JAKMIP1: variants seen among roughly 807,000 people sequenced by gnomAD.
JAKMIP1 encodes janus kinase and microtubule-interacting protein 1.
In JAKMIP1, 33 loss-of-function variants were observed where a neutral mutation model predicts 113.0. The observed-to-expected ratio is 0.29, with a 90% CI of 0.22 to 0.39. The LOEUF is 0.39. Among genes scored for constraint, JAKMIP1 ranks in the 10% least tolerant of loss-of-function variants. The pLI, the probability that JAKMIP1 is intolerant of heterozygous loss-of-function variation, is 1.00. For synonymous variants in JAKMIP1, 480 were observed against 459.9 expected, an observed-to-expected ratio of 1.04 and a Z score of -0.56; for missense variants, 813 against 1,080.5, an observed-to-expected ratio of 0.75 and a Z score of 3.47.
chr4:6,174,380 G>A (rs1725091760), intron 1 of JAKMIP1, among the ~76,000 whole-genome samples: 1 of 152,204 alleles, frequency 6.6e-6, no homozygotes, highest in South Asian at 2.1e-4. Context: ...ATATGATAAG[G>A]GAGGGCTGCT....
intron 1 of JAKMIP1, among the ~76,000 whole-genome samples, chr4:6,128,610 G>A (rs1051326448): frequency 2.6e-5 from 4 of 152,292 alleles, no homozygotes; most frequent in South Asian, 2.1e-4. Flanking sequence ...GCCCCAGCCC[G>A]GATGAGCAAA....
rs7435579 is a variant in JAKMIP1 at position 6,139,081 on chromosome 4, C to T, written c.-147-26084G>A. 2.7e-5 allele frequency among the ~76,000 whole-genome samples: 1 copy of T among 37,530 alleles called. No homozygotes were observed. Among genetic ancestry groups the T allele is most frequent in the South Asian group, 9.8e-4 (1 of 1,018 alleles). 24.6% of individuals were successfully genotyped at this position (37,530 alleles called of 152,430 possible). A position where few individuals can be genotyped will look rare whatever the true frequency, so the allele number is the denominator to read the frequency against. ...ACACACACACACACACACACACACA[C>T]ACATATACACACACACACACACACC... is the stretch of plus-strand genomic sequence containing the variant. On this transcript the variant is annotated intron_variant, in intron 1 of 20. Coordinates refer to ENST00000409021, the MANE Select transcript of JAKMIP1 (RefSeq NM_001099433.2). This position sits in a 1 kb window ranked among gnomAD's most constrained non-coding sequence, Gnocchi z 5.2.
At chr4:6,147,556 T>C (rs1721008049) in intron 1 of JAKMIP1, among the ~76,000 whole-genome samples, 1 of 152,188 alleles carries the variant, frequency 6.6e-6, no homozygotes, top group Non-Finnish European at 1.5e-5. Context: ...CTCCTATGAC[T>C]AGATGGCTCC....
In JAKMIP1 at chr4:6,140,617, G is replaced by C. The variant is rs1314120396; in HGVS notation, c.-147-27620C>G. Among the ~76,000 whole-genome samples the C allele has an allele frequency of 2.0e-5, 3 of 152,256 alleles. No homozygotes were observed. The East Asian group carries it at 5.8e-4, about 29-fold the overall frequency. On this transcript the variant is annotated intron_variant, in intron 1 of 20. Coordinates refer to ENST00000409021, the MANE Select transcript of JAKMIP1 (RefSeq NM_001099433.2). The surrounding 1 kb of genome is among the most constrained non-coding windows in gnomAD (Gnocchi z 9.4). ...CTCTGTCCCCACTGCTCCTGGAGGG[G>C]TGGAGAAATACATGATTTTGTTTAT...
intron 1 of JAKMIP1, among the ~76,000 whole-genome samples, chr4:6,120,177 A>G (rs1045811944): frequency 6.4e-4 from 43 of 66,908 alleles, no homozygotes; most frequent in Non-Finnish European, 1.1e-3. Context: ...GAATCTAGCC[A>G]CACTTTTTTT....
rs537448836 is a variant in JAKMIP1 at position 6,042,908 on chromosome 4, C to T, written c.2029-681G>A. Among the ~76,000 whole-genome samples, 3 of 152,128 alleles carry T rather than the reference C, an allele frequency of 2.0e-5. No homozygotes were observed. Among genetic ancestry groups the T allele is most frequent in the Non-Finnish European group, 4.4e-5 (3 of 67,976 alleles). On this transcript the variant is annotated intron_variant, in intron 16 of 20. Transcript: ENST00000409021. This position sits in a 1 kb window ranked among gnomAD's most constrained non-coding sequence, Gnocchi z 5.2. ...GAGAGTACGGGGTGAACAGGCGGGG[C>T]GTGCACCTGAGCGGCAGGTAAGGGA...
rs571640822 is a variant in JAKMIP1 at position 6,108,089 on chromosome 4, G to A, written c.130-2122C>T. Among the ~76,000 whole-genome samples the A allele has an allele frequency of 3.3e-5, 5 of 152,306 alleles. No individual in the cohort carries two copies. The South Asian group carries it at 1.0e-3, about 32-fold the overall frequency. ...GCTTCCTGGGAGGGGCAGAGGTGCT[G>A]CTGAGGCTGGTGATCCAGGTGTGTA... On this transcript the variant is annotated intron_variant, in intron 2 of 20. Transcript: ENST00000409021. The surrounding 1 kb of genome is among the most constrained non-coding windows in gnomAD (Gnocchi z 5.6).
At chr4:6,170,696 T>G (rs1373259556) in intron 1 of JAKMIP1, among the ~76,000 whole-genome samples, 2 of 146,718 alleles carry the variant, frequency 1.4e-5, no homozygotes, top group Non-Finnish European at 3.0e-5. Flanking sequence ...GTCACCCTCC[T>G]TAACACCATC....
chr4:6,116,368 A>G lies in JAKMIP1; in HGVS notation c.-147-3371T>C, dbSNP rs549476521. ...TTCGTTCTGAGCCCACTGCCCACCA[A>G]GCAGGAGATGGCACAGCCCACTGTC... On this transcript the variant is annotated intron_variant, in intron 1 of 20. Transcript: ENST00000409021. This position sits in a 1 kb window ranked among gnomAD's most constrained non-coding sequence, Gnocchi z 5.1. Among the ~76,000 whole-genome samples, 67 of 152,086 alleles carry G rather than the reference A, an allele frequency of 4.4e-4. 2 individuals carry two copies. The South Asian group carries it at 0.014, about 32-fold the overall frequency.
At chr4:6,107,625 C>T (rs952263892) in intron 2 of JAKMIP1, among the ~76,000 whole-genome samples, 7 of 152,154 alleles carry the variant, frequency 4.6e-5, no homozygotes, top group Admixed American at 6.5e-5. Context: ...CACTGGGACT[C>T]GAAGCTGCAA....
intron 3 of JAKMIP1, among the ~76,000 whole-genome samples, chr4:6,090,800 T>C (rs556430010): frequency 6.9e-5 from 10 of 143,988 alleles, no homozygotes; most frequent in Non-Finnish European, 1.5e-4. Context: ...AGAGTGTCAC[T>C]CCCCATGTTG....
chr4:6,053,230 T>C (rs904591336), intron 13 of JAKMIP1, among the ~76,000 whole-genome samples: 4 of 152,152 alleles, frequency 2.6e-5, no homozygotes, highest in Admixed American at 2.0e-4. Context: ...CGAGGTAAGA[T>C]TTCAGCTGGA....
At chr4:6,124,015 T>C (rs780750514) in intron 1 of JAKMIP1, among the ~76,000 whole-genome samples, 1 of 152,242 alleles carries the variant, frequency 6.6e-6, no homozygotes, top group Non-Finnish European at 1.5e-5. Flanking sequence ...TAGGTTTTCC[T>C]AACACGTACT....
chr4:6,198,870 C>T (rs961118676), intron 1 of JAKMIP1, among the ~76,000 whole-genome samples: 34 of 152,248 alleles, frequency 2.2e-4, no homozygotes, highest in African/African-American at 7.0e-4. Context: ...ATGGCCTCGC[C>T]CTCCACACCA....
At chr4:6,128,372 G>T (rs1195534521) in intron 1 of JAKMIP1, among the ~76,000 whole-genome samples, 12 of 152,086 alleles carry the variant, frequency 7.9e-5, no homozygotes, top group Admixed American at 7.9e-4. Flanking sequence ...TCTCCAAATG[G>T]GTGGACAGAA....
intron 1 of JAKMIP1, among the ~76,000 whole-genome samples, chr4:6,160,478 A>G (rs1053371577): frequency 6.6e-6 from 1 of 152,216 alleles, no homozygotes; most frequent in African/African-American, 2.4e-5. Context: ...AGTGCAAGGC[A>G]GACGGGATCA....
In JAKMIP1 at chr4:6,085,640, G is replaced by A; in HGVS notation, c.625-11C>T. 6.2e-7 allele frequency: 1 copy of A among 1,612,924 alleles called. No individual in the cohort carries two copies. The highest frequency in any genetic ancestry group is 1.1e-5 in the South Asian group (1 of 91,060). On this transcript the variant is annotated splice_polypyrimidine_tract_variant and intron_variant, in intron 3 of 20. Coordinates refer to ENST00000409021, the MANE Select transcript of JAKMIP1 (RefSeq NM_001099433.2). ...TTTGATCTCATCCATCTGAAAAGGA[G>A]AAAGAATAAGCAGTCAGCCCTAGGG...
chr4:6,077,310 TG>T (rs1560148496), intron 8 of JAKMIP1, among the ~76,000 whole-genome samples: 1 of 151,708 alleles, frequency 6.6e-6, no homozygotes, highest in African/African-American at 2.4e-5. Flanking sequence ...AGGCAGAGAT[TG>T]GAGTTCAAGC....
chr4:6,112,918 C>A lies in JAKMIP1; in HGVS notation c.-68G>T. 1 of 1,569,306 alleles carries A rather than the reference C, an allele frequency of 6.4e-7. No individual in the cohort carries two copies. The highest frequency in any genetic ancestry group is 1.7e-5 in the Admixed American group (1 of 57,300). On this transcript the variant is annotated 5_prime_UTR_variant, in exon 2 of 21. Coordinates refer to ENST00000409021, the MANE Select transcript of JAKMIP1 (RefSeq NM_001099433.2). The stretch of plus-strand genomic sequence containing the variant: ...CTGTTCACGCACGCCAGCCAGCAGG[C>A]GTGGCTACCAGCTCCACCGTGCTAA...
Sources: gnomAD v4.1 joint callset for allele counts (sites outside exome capture counted in the v4.1 genomes callset) on GRCh38, gnomAD v4.1.1 for gene constraint, Gnocchi (gnomAD v3.1) non-coding constraint, MANE v1.5 for transcripts, NCBI Gene and HGNC (gene_info 2026-07-23, HGNC 2026-07-21) for gene names.